The following TNKS variants were observed in gnomAD, a reference collection of about 807,000 sequenced individuals.
TNKS encodes the protein poly [ADP-ribose] polymerase tankyrase-1.
In TNKS, 72 loss-of-function variants were observed where a neutral mutation model predicts 135.8. The ratio of observed to expected loss-of-function variants is 0.53; its 90% confidence interval spans 0.44 to 0.64. The LOEUF is 0.64. Ranked by LOEUF, TNKS falls within the 30% of genes least tolerant of loss-of-function variation. TNKS has a pLI of 0.00. For missense variants in TNKS, 1,769 were observed against 1,674.0 expected, an observed-to-expected ratio of 1.06 and a Z score of -0.99; for synonymous variants, 849 against 649.3, an observed-to-expected ratio of 1.31 and a Z score of -4.68.
At chr8:9,669,709 G>C (rs1802182287) in intron 3 of TNKS, among the ~76,000 whole-genome samples, 1 of 152,056 alleles carries the variant, frequency 6.6e-6, no homozygotes, top group Non-Finnish European at 1.5e-5. Flanking sequence ...CACATATAGA[G>C]AAATGCTCAT....
chr8:9,657,934 G>A (rs1474949115), intron 3 of TNKS, among the ~76,000 whole-genome samples: 26 of 67,474 alleles, frequency 3.9e-4, no homozygotes, highest in African/African-American at 1.1e-3. Context: ...CGGGGCGGCC[G>A]GGCAGAGACG....
At chr8:9,772,260 G>T (rs751351809) in intron 26 of TNKS, 21 of 405,038 alleles carry the variant, frequency 5.2e-5, no homozygotes, top group Admixed American at 2.3e-4. Flanking sequence ...TTCAAAGGGG[G>T]CTGGGGGGAG....
intron 5 of TNKS, 76 bp from the exon 6 acceptor site, chr8:9,704,587 A>C: frequency 8.1e-7 from 1 of 1,232,822 alleles, no homozygotes. Context: ...CATTGTGTTT[A>C]AATCTGAAAT....
At chr8:9,766,646 C>A (rs1213264791) in intron 25 of TNKS, among the ~76,000 whole-genome samples, 1 of 152,032 alleles carries the variant, frequency 6.6e-6, no homozygotes, top group African/African-American at 2.4e-5. Flanking sequence ...CCACCACGCC[C>A]AGCAAATTTT....
intron 3 of TNKS, among the ~76,000 whole-genome samples, chr8:9,672,991 G>C (rs1585310962): frequency 6.6e-6 from 1 of 152,276 alleles, no homozygotes; most frequent in Admixed American, 6.5e-5. Context: ...AGTCCCACTG[G>C]TTAACAGCTT....
rs778676875 is a variant in TNKS at position 9,710,115 on chromosome 8, CT to C, written c.1671-23del. 8 of 1,612,106 alleles carry C rather than the reference CT, an allele frequency of 5.0e-6. 1 individual carries two copies. The South Asian group carries it at 7.7e-5, about 15-fold the overall frequency. On this transcript the variant is annotated intron_variant, in intron 10 of 26. Coordinates refer to ENST00000310430, the MANE Select transcript of TNKS (RefSeq NM_003747.3). ...AATGCAATAAAAGAGAGACAATTAC[CT>C]TTTCTTTCTTTCCTCTTTTCTGTAG...
chr8:9,611,821 T>G (rs1799474593), intron 2 of TNKS, among the ~76,000 whole-genome samples: 1 of 152,240 alleles, frequency 6.6e-6, no homozygotes, highest in Non-Finnish European at 1.5e-5. Flanking sequence ...TTGGGACATT[T>G]AAGAATGTGT....
At chr8:9,566,241 A>T (rs1803332558) in intron 1 of TNKS, 1 of 152,134 alleles carries the variant, frequency 6.6e-6, no homozygotes, top group African/African-American at 2.4e-5. Flanking sequence ...GTACCAACTT[A>T]TGTTTTTCTT....
intron 3 of TNKS, among the ~76,000 whole-genome samples, chr8:9,665,307 G>C (rs1430317559): frequency 6.6e-6 from 1 of 152,178 alleles, no homozygotes; most frequent in Non-Finnish European, 1.5e-5. Flanking sequence ...GTTTTTGAGG[G>C]GAGAAGGGCT....
intron 26 of TNKS, among the ~76,000 whole-genome samples, chr8:9,773,104 C>G (rs904259767): frequency 6.6e-6 from 1 of 151,682 alleles, no homozygotes; most frequent in Non-Finnish European, 1.5e-5. Context: ...AAACCTTTAA[C>G]TTCTAGAAAA....
chr8:9,646,129 A>G (rs1417804375), intron 3 of TNKS, among the ~76,000 whole-genome samples: 2 of 152,128 alleles, frequency 1.3e-5, no homozygotes, highest in East Asian at 3.8e-4. Context: ...TTACTTGTAT[A>G]TTGCAAACAT....
chr8:9,741,396 C>G (rs1467431061), intron 17 of TNKS, among the ~76,000 whole-genome samples: 3 of 152,166 alleles, frequency 2.0e-5, no homozygotes, highest in African/African-American at 7.2e-5. Context: ...GTGTAGACTA[C>G]AGTAGATCCC....
chr8:9,729,467 G>A (rs1805318164), intron 13 of TNKS, among the ~76,000 whole-genome samples: 1 of 152,128 alleles, frequency 6.6e-6, no homozygotes, highest in Admixed American at 6.5e-5. Flanking sequence ...TGTCTGCTCT[G>A]CTTCATTTGC....
intron 25 of TNKS, among the ~76,000 whole-genome samples, chr8:9,767,038 G>A (rs1807490947): frequency 6.6e-6 from 1 of 152,182 alleles, no homozygotes; most frequent in South Asian, 2.1e-4. Context: ...ATATGGCAAG[G>A]CTAAGGATGA....
intron 3 of TNKS, among the ~76,000 whole-genome samples, chr8:9,619,402 A>C (rs1165873686): frequency 6.6e-6 from 1 of 152,192 alleles, no homozygotes; most frequent in East Asian, 1.9e-4. Flanking sequence ...GTAAGAGCAG[A>C]TTGAGCCTGA....
intron 26 of TNKS, among the ~76,000 whole-genome samples, chr8:9,771,987 GGGAAGAAGGGATA>G (rs1807924061): frequency 8.9e-6 from 1 of 112,096 alleles, no homozygotes; most frequent in Admixed American, 8.8e-5. Flanking sequence ...AGAGGTGGGA[GGGAAGAAGGGATA>G]GGCAGAGGGA....
At chr8:9,615,442 GCTTTTTTT>G in intron 2 of TNKS, 132 bp from the exon 3 acceptor site, 1 of 581,752 alleles carries the variant, frequency 1.7e-6, no homozygotes, top group African/African-American at 1.9e-5. Context: ...GTGCTTTTTT[GCTTTTTTT>G]CTTTTTTTTT....
intron 5 of TNKS, among the ~76,000 whole-genome samples, chr8:9,693,924 A>G (rs943344259): frequency 7.2e-5 from 11 of 152,170 alleles, no homozygotes; most frequent in Admixed American, 2.0e-4. Context: ...GCTGAGATCA[A>G]TGGGTTTCCT....
intron 25 of TNKS, among the ~76,000 whole-genome samples, chr8:9,767,345 T>TA (rs1399468240): frequency 6.6e-6 from 1 of 152,080 alleles, no homozygotes; most frequent in Non-Finnish European, 1.5e-5. Context: ...AATGAAAAAA[T>TA]ACAAAAGAAT....
Sources: gnomAD v4.1 joint callset for allele counts (sites outside exome capture counted in the v4.1 genomes callset) on GRCh38, gnomAD v4.1.1 for gene constraint, MANE v1.5 for transcripts, NCBI Gene and HGNC (gene_info 2026-07-23, HGNC 2026-07-21) for gene names.